REEP3: variants seen among roughly 807,000 people sequenced by gnomAD.
REEP3 encodes the protein receptor accessory protein 3.
In REEP3, 20 loss-of-function variants were observed where a neutral mutation model predicts 41.3. The ratio of observed to expected loss-of-function variants is 0.48; its 90% CI spans 0.34 to 0.70. The LOEUF (loss-of-function observed/expected upper bound fraction) is 0.70. Ranked by LOEUF, REEP3 falls within the 30% of genes least tolerant of loss-of-function variation. REEP3 has a pLI of 0.01. For missense variants in REEP3, 271 were observed against 308.8 expected (o/e 0.88, Z 0.92); for synonymous variants, 104 against 101.8 (o/e 1.02, Z -0.13).
At chr10:63,594,296 G>C (rs1956093244) in intron 2 of REEP3, among the ~76,000 whole-genome samples, 1 of 151,932 alleles carries the variant, frequency 6.6e-6, no homozygotes, top group Non-Finnish European at 1.5e-5. Context: ...GCTGAGGCAA[G>C]AGGATCACTT....
chr10:63,524,887 C>T (rs1955345553), intron 1 of REEP3, among the ~76,000 whole-genome samples: 1 of 152,092 alleles, frequency 6.6e-6, no homozygotes, highest in Non-Finnish European at 1.5e-5. Flanking sequence ...TGGCGCACAC[C>T]TGTAGTCCTG....
rs1485312771 is a variant in REEP3 at position 63,598,015 on chromosome 10, T to G, written c.183-9T>G. On this transcript the variant is annotated splice_polypyrimidine_tract_variant and intron_variant, in intron 3 of 7. Coordinates refer to ENST00000373758, the MANE Select transcript of REEP3 (RefSeq NM_001001330.3). ...CTGGCAGTTTATTTCCAAATGTTTT[T>G]CTTATTAGGTTTCCCCTGTACTATG... is the stretch of plus-strand genomic sequence containing the variant. 1.9e-6 allele frequency: 3 copies of G among 1,595,232 alleles called. No homozygotes were observed. Among genetic ancestry groups the G allele is most frequent in the Non-Finnish European group, 2.6e-6 (3 of 1,173,044 alleles).
chr10:63,594,663 TAC>T, intron 2 of REEP3, 113 bp from the exon 3 acceptor site: 1 of 709,264 alleles, frequency 1.4e-6, no homozygotes, highest in Non-Finnish European at 2.5e-6. Flanking sequence ...TATCCAGAAA[TAC>T]ATACATAATA....
At chr10:63,610,464 G>A (rs990857635) in intron 6 of REEP3, 130 bp downstream of exon 6, 4 of 835,658 alleles carry the variant, frequency 4.8e-6, no homozygotes, top group Non-Finnish European at 5.5e-6. Flanking sequence ...TAATGCATAC[G>A]GGGCTTAAAA....
chr10:63,569,122 G>T (rs901447416), intron 2 of REEP3, among the ~76,000 whole-genome samples: 2 of 152,154 alleles, frequency 1.3e-5, no homozygotes, highest in Admixed American at 1.3e-4. Flanking sequence ...GCCCTACTGT[G>T]TAATATTTTA....
intron 1 of REEP3, among the ~76,000 whole-genome samples, chr10:63,544,893 G>T (rs1955563109): frequency 6.6e-6 from 1 of 152,156 alleles, no homozygotes; most frequent in Admixed American, 6.5e-5. Context: ...ATGCATTAGG[G>T]ATTAGTTAAA....
Position 63,621,561 on chromosome 10 carries a change from T to C in REEP3, c.*692T>C, listed in dbSNP as rs1287349021. The C allele has an allele frequency of 1.3e-5, 2 of 152,640 alleles. No individual in the cohort carries two copies. Among genetic ancestry groups the C allele is most frequent in the Non-Finnish European group, 2.9e-5 (2 of 68,010 alleles). 9.5% of individuals were successfully genotyped at this position (152,640 alleles called of 1,614,324 possible). On this transcript the variant is annotated 3_prime_UTR_variant, in exon 8 of 8. Coordinates refer to ENST00000373758, the MANE Select transcript of REEP3 (RefSeq NM_001001330.3). ...CAAATCTATGCCTTGAATTATATCATCTCTTTTCCTGTGGGTTTCATTTGT... is the reference window on the plus strand; with the variant it reads ...CAAATCTATGCCTTGAATTATATCACCTCTTTTCCTGTGGGTTTCATTTGT...
At chr10:63,536,307 T>C (rs1276459856) in intron 1 of REEP3, among the ~76,000 whole-genome samples, 1 of 152,202 alleles carries the variant, frequency 6.6e-6, no homozygotes, top group Non-Finnish European at 1.5e-5. Context: ...TTTCATCAGA[T>C]GTGTACACTC....
At position 63,616,274 on chromosome 10, in the gene REEP3, G is replaced by A. The variant is rs12573126; in HGVS notation, c.566-3381G>A. 0.02 allele frequency among the ~76,000 whole-genome samples: 3,002 copies of A among 152,154 alleles called. 130 individuals carry two copies. The East Asian group carries it at 0.2, about 10-fold the overall frequency. On this transcript the variant is annotated intron_variant, in intron 6 of 7. Transcript: ENST00000373758. ...CACCCTTTCCAACCCACCCCATGCTGATTACATTCTCTTACTGTATGCCCT... is the reference window on the plus strand; with the variant it reads ...CACCCTTTCCAACCCACCCCATGCTAATTACATTCTCTTACTGTATGCCCT...
At chr10:63,563,408 G>T (rs1327698589) in intron 1 of REEP3, among the ~76,000 whole-genome samples, 1 of 152,180 alleles carries the variant, frequency 6.6e-6, no homozygotes, top group Non-Finnish European at 1.5e-5. Context: ...GCTCCTTGGA[G>T]AAATAGCTGA....
At chr10:63,600,426 C>A (rs1272929558) in intron 5 of REEP3, among the ~76,000 whole-genome samples, 1 of 152,152 alleles carries the variant, frequency 6.6e-6, no homozygotes, top group African/African-American at 2.4e-5. Context: ...TAATGGTCAG[C>A]ACTTTAATAT....
chr10:63,603,078 C>T (rs899287392), intron 5 of REEP3, among the ~76,000 whole-genome samples: 17 of 151,008 alleles, frequency 1.1e-4, no homozygotes, highest in South Asian at 4.2e-4. Context: ...CTTTGGGAGG[C>T]TGAGGCGGGC....
intron 5 of REEP3, among the ~76,000 whole-genome samples, chr10:63,605,689 G>A (rs1956218515): frequency 6.6e-6 from 1 of 152,168 alleles, no homozygotes; most frequent in Non-Finnish European, 1.5e-5. Context: ...TTATTTGAGT[G>A]TAAAGAAATT....
At chr10:63,533,580 A>G (rs1955444757) in intron 1 of REEP3, among the ~76,000 whole-genome samples, 1 of 151,944 alleles carries the variant, frequency 6.6e-6, no homozygotes, top group African/African-American at 2.4e-5. Context: ...AACTTTGTAT[A>G]CCTAAGTTAA....
At chr10:63,530,264 T>A (rs1342616545) in intron 1 of REEP3, among the ~76,000 whole-genome samples, 1 of 152,214 alleles carries the variant, frequency 6.6e-6, no homozygotes, top group Non-Finnish European at 1.5e-5. Context: ...GTGCTTTAAA[T>A]TTTTTAACTG....
At chr10:63,565,261 A>G (rs1385082344) in intron 1 of REEP3, among the ~76,000 whole-genome samples, 1 of 152,210 alleles carries the variant, frequency 6.6e-6, no homozygotes, top group East Asian at 1.9e-4. Context: ...CTCCATGTCA[A>G]TCAATTGGTC....
intron 2 of REEP3, among the ~76,000 whole-genome samples, chr10:63,579,326 G>A (rs746565829): frequency 1.3e-4 from 20 of 152,016 alleles, no homozygotes; most frequent in African/African-American, 1.9e-4. Context: ...CCACCACACC[G>A]GGCCCTTCAT....
intron 2 of REEP3, among the ~76,000 whole-genome samples, chr10:63,582,023 C>G (rs1463655471): frequency 6.6e-6 from 1 of 152,186 alleles, no homozygotes; most frequent in African/African-American, 2.4e-5. Flanking sequence ...CTCTTACATT[C>G]TCTTCGGAAA....
At chr10:63,521,778 G>A in intron 1 of REEP3, 1 of 339,730 alleles carries the variant, frequency 2.9e-6, no homozygotes, top group Non-Finnish European at 5.3e-6. Flanking sequence ...GACGGCCGAG[G>A]GCCTAGCTGC....
Sources: allele counts gnomAD v4.1 joint callset (sites outside exome capture counted in the v4.1 genomes callset), GRCh38; gene constraint gnomAD v4.1.1; transcripts MANE v1.5; gene names NCBI Gene and HGNC (gene_info 2026-07-23, HGNC 2026-07-21).